Variants in TYR observed in about 807,000 individuals in gnomAD.
TYR encodes the protein tyrosinase.
In TYR, 58 loss-of-function variants were observed where a neutral mutation model predicts 51.5. The ratio of observed to expected loss-of-function variants is 1.13; its 90% CI spans 0.91 to 1.40. TYR has a LOEUF of 1.40. Among genes scored for constraint, TYR ranks in the 40% most tolerant of loss-of-function variants. The probability of loss-of-function intolerance (pLI) is 0.00; values close to 1 mark genes in which losing one functional copy is unlikely to be tolerated. For missense variants in TYR, 732 were observed against 647.4 expected (o/e 1.13, Z -1.42); for synonymous variants, 263 against 235.2 (o/e 1.12, Z -1.08).
intron 4 of TYR, among the ~76,000 whole-genome samples, chr11:89,290,182 T>A (rs1294017530): frequency 6.6e-6 from 1 of 152,000 alleles, no homozygotes; most frequent in Non-Finnish European, 1.5e-5. Flanking sequence ...GGAAGGATGA[T>A]CAAAAAATTA....
intron 2 of TYR, among the ~76,000 whole-genome samples, chr11:89,196,747 A>G (rs1448259106): frequency 2.0e-5 from 3 of 152,176 alleles, no homozygotes; most frequent in Non-Finnish European, 4.4e-5. Flanking sequence ...ATCCCACACT[A>G]TGCTAAGATG....
intron 3 of TYR, among the ~76,000 whole-genome samples, chr11:89,243,562 G>C (rs1565410547): frequency 6.6e-6 from 1 of 152,122 alleles, no homozygotes; most frequent in Non-Finnish European, 1.5e-5. Context: ...AGTTTACCTA[G>C]CAAGATCTTG....
intron 2 of TYR, among the ~76,000 whole-genome samples, chr11:89,219,675 TA>T (rs1225086456): frequency 6.6e-6 from 1 of 152,142 alleles, no homozygotes; most frequent in Non-Finnish European, 1.5e-5. Context: ...TTAAATTTGA[TA>T]AGAACAAAAA....
At chr11:89,276,083 T>A (rs181866082) in intron 3 of TYR, among the ~76,000 whole-genome samples, 1 of 151,930 alleles carries the variant, frequency 6.6e-6, no homozygotes, top group Non-Finnish European at 1.5e-5. Context: ...TGCAAGGCAC[T>A]GAGAAACAAA....
intron 3 of TYR, 113 bp from the exon 4 acceptor site, chr11:89,284,660 C>T (rs1944759768): frequency 5.3e-6 from 5 of 935,368 alleles, no homozygotes; most frequent in Non-Finnish European, 8.4e-6. Context: ...ATATATTCAA[C>T]ATCTTTCCAT....
intron 3 of TYR, among the ~76,000 whole-genome samples, chr11:89,247,435 C>A (rs750115516): frequency 2.6e-5 from 4 of 152,126 alleles, no homozygotes; most frequent in African/African-American, 4.8e-5. Flanking sequence ...TGCTTTCTAT[C>A]AAGTGATGAA....
At chr11:89,245,106 G>T (rs888910438) in intron 3 of TYR, among the ~76,000 whole-genome samples, 1 of 152,136 alleles carries the variant, frequency 6.6e-6, no homozygotes, top group Admixed American at 6.5e-5. Flanking sequence ...TATGACTGGT[G>T]GTTCTGTGAA....
Position 89,293,244 on chromosome 11 carries a change from T to C in TYR, c.1367-1899T>C, listed in dbSNP as rs544689089. Among the ~76,000 whole-genome samples, 3 of 152,202 alleles carry C rather than the reference T, an allele frequency of 2.0e-5. No homozygotes were observed. In the South Asian group the frequency reaches 6.2e-4, roughly 32 times the overall value. On this transcript the variant is annotated intron_variant, in intron 4 of 4. Transcript: ENST00000263321. Reference sequence around the variant, plus strand: ...TTATTTCTTAGGTTGCTCAGTATGATGGCATCTCAAAAACATGGGCTTACC... The same window carrying C: ...TTATTTCTTAGGTTGCTCAGTATGACGGCATCTCAAAAACATGGGCTTACC...
At chr11:89,185,338 C>A (rs2135247814) in intron 1 of TYR, among the ~76,000 whole-genome samples, 1 of 152,198 alleles carries the variant, frequency 6.6e-6, no homozygotes, top group East Asian at 1.9e-4. Flanking sequence ...GAAATATATT[C>A]TATGGTAAAG....
chr11:89,180,393 AATAG>A (rs1182890639), intron 1 of TYR, among the ~76,000 whole-genome samples: 1 of 152,190 alleles, frequency 6.6e-6, no homozygotes, highest in South Asian at 2.1e-4. Flanking sequence ...AGGAAATCTT[AATAG>A]ATAGATACAC....
At chr11:89,261,402 C>A (rs1480868092) in intron 3 of TYR, among the ~76,000 whole-genome samples, 1 of 151,958 alleles carries the variant, frequency 6.6e-6, no homozygotes, top group Non-Finnish European at 1.5e-5. Flanking sequence ...CAAAAGAGAG[C>A]TTGAATAGGT....
intron 3 of TYR, among the ~76,000 whole-genome samples, chr11:89,250,816 G>C (rs1944323616): frequency 6.6e-6 from 1 of 151,882 alleles, no homozygotes; most frequent in African/African-American, 2.4e-5. Context: ...CTTGGGATTA[G>C]GACTTCAACA....
Position 89,262,864 on chromosome 11 carries a change from A to ACAAAC in TYR, c.1185-21909_1185-21908insCAAAC, listed in dbSNP as rs1190998804. ...TACTCATCCAAAAAAAAAAAAAAAA[A>ACAAAC]AAAAAAAACAACAACAACAACAACA... On this transcript the variant is annotated intron_variant, in intron 3 of 4. Coordinates refer to ENST00000263321, the MANE Select transcript of TYR (RefSeq NM_000372.5). Among the ~76,000 whole-genome samples the ACAAAC allele has an allele frequency of 4.4e-3, 644 of 145,578 alleles. 6 individuals carry two copies. The highest frequency in any genetic ancestry group is 0.016 in the African/African-American group (621 of 38,796).
chr11:89,224,929 A>AAT (rs568553529), intron 2 of TYR, among the ~76,000 whole-genome samples: 3,817 of 149,924 alleles, frequency 0.025, 168 homozygotes, highest in African/African-American at 0.088. Flanking sequence ...TGTAAAAACT[A>AAT]TTTTTTTTTT....
chr11:89,214,720 C>G (rs1943810852), intron 2 of TYR, among the ~76,000 whole-genome samples: 2 of 151,738 alleles, frequency 1.3e-5, no homozygotes, highest in South Asian at 4.1e-4. Context: ...GATGAACTCA[C>G]AGGTCAGACC....
chr11:89,253,974 C>T (rs1023788401), intron 3 of TYR, among the ~76,000 whole-genome samples: 18 of 151,514 alleles, frequency 1.2e-4, no homozygotes, highest in African/African-American at 4.4e-4. Flanking sequence ...CATAGATAGG[C>T]TTTTATTACA....
chr11:89,250,947 T>C (rs1944325123), intron 3 of TYR, among the ~76,000 whole-genome samples: 1 of 151,880 alleles, frequency 6.6e-6, no homozygotes, highest in South Asian at 2.1e-4. Flanking sequence ...CTTTTAAAAT[T>C]GTGATGATAA....
At chr11:89,249,934 G>A (rs1263944068) in intron 3 of TYR, among the ~76,000 whole-genome samples, 7 of 151,976 alleles carry the variant, frequency 4.6e-5, no homozygotes, top group Non-Finnish European at 8.8e-5. Context: ...CCTGAATGGA[G>A]ACACAAGATA....
At chr11:89,252,354 C>A (rs1200064381) in intron 3 of TYR, among the ~76,000 whole-genome samples, 1 of 151,616 alleles carries the variant, frequency 6.6e-6, no homozygotes, top group South Asian at 2.1e-4. Flanking sequence ...TGTACCTTAC[C>A]TTGGCTGTTG....
Sources: gnomAD v4.1 joint callset for allele counts (sites outside exome capture counted in the v4.1 genomes callset) on GRCh38, gnomAD v4.1.1 for gene constraint, MANE v1.5 for transcripts, NCBI Gene and HGNC (gene_info 2026-07-23, HGNC 2026-07-21) for gene names.